Variants in MIA3 observed in about 807,000 individuals in gnomAD.
MIA3 encodes transport and Golgi organization protein 1 homolog.
In MIA3, 90 loss-of-function variants were observed where a neutral mutation model predicts 192.4. That is an observed-to-expected ratio of 0.47 (90% CI 0.39 to 0.56). MIA3 has a LOEUF of 0.56. Among genes scored for constraint, MIA3 ranks in the 20% least tolerant of loss-of-function variants. The pLI is 0.00. For missense variants in MIA3, 2,123 were observed against 2,269.4 expected, an observed-to-expected ratio of 0.94 and a Z score of 1.31; for synonymous variants, 740 against 792.8, an observed-to-expected ratio of 0.93 and a Z score of 1.12.
rs558913808 is a variant in MIA3 at position 222,667,068 on chromosome 1, G to A, written c.*1449G>A. On this transcript the variant is annotated 3_prime_UTR_variant, in exon 28 of 28. Coordinates refer to ENST00000344922, the MANE Select transcript of MIA3 (RefSeq NM_198551.4). Reference sequence around the variant, plus strand: ...CTTGTCACTGTTGTGATATTTAATCGATTAAGAATACCTTGTAAAAAGGAG... The same window carrying A: ...CTTGTCACTGTTGTGATATTTAATCAATTAAGAATACCTTGTAAAAAGGAG... The A allele has an allele frequency of 6.6e-5, 10 of 152,182 alleles. No homozygotes were observed. Among genetic ancestry groups the A allele is most frequent in the South Asian group, 4.2e-4 (2 of 4,818 alleles). The allele number at this position is 152,182 out of a possible 1,614,324, so 9.4% of individuals were successfully genotyped here.
rs573072022 is a variant in MIA3 at position 222,661,986 on chromosome 1, C to G, written c.5114-70C>G. On this transcript the variant is annotated intron_variant, in intron 24 of 27. Transcript: ENST00000344922. ...GTTGCTTTCCAGATAAGACTTGAAC[C>G]CTGATCTGTCCACAATTTATTATTT... 5.5e-5 allele frequency: 70 copies of G among 1,269,610 alleles called. No individual in the cohort carries two copies. The Admixed American group carries it at 1.3e-3, about 24-fold the overall frequency. The allele number at this position is 1,269,610 out of a possible 1,614,324, so 78.6% of individuals were successfully genotyped here. A position where few individuals can be genotyped will look rare whatever the true frequency, so the allele number is the denominator to read the frequency against.
intron 27 of MIA3, 79 bp from the exon 28 acceptor site, chr1:222,665,230 G>C: frequency 1.4e-6 from 1 of 718,204 alleles, no homozygotes; most frequent in Non-Finnish European, 2.3e-6. Context: ...AAGGATGACA[G>C]ACTATATTAA....
chr1:222,643,293 G>A (rs111264747), intron 6 of MIA3, among the ~76,000 whole-genome samples: 2,142 of 152,274 alleles, frequency 0.014, 51 homozygotes, highest in African/African-American at 0.048. Flanking sequence ...TAAAAAGTCT[G>A]TTAACCAGCT....
chr1:222,640,539 G>A lies in MIA3; in HGVS notation c.3478-5015G>A, dbSNP rs185752344. 2.4e-4 allele frequency among the ~76,000 whole-genome samples: 36 copies of A among 152,130 alleles called. No homozygotes were observed. The East Asian group carries it at 6.9e-3, about 29-fold the overall frequency. ...CAAAGGAAAGTCTTTTCAACAAATG[G>A]TACCAAAACTATTAGATATTTATAT... On this transcript the variant is annotated intron_variant, in intron 6 of 27. Coordinates refer to ENST00000344922, the MANE Select transcript of MIA3 (RefSeq NM_198551.4).
At position 222,653,891 on chromosome 1, in the gene MIA3, ATTGCTTGTG is replaced by A. The variant is rs1663569379; in HGVS notation, c.4322-350_4322-342del. ...CTAGATGCCCTCTCTCAAGTTGGAT[ATTGCTTGTG>A]TAGTGGGTGTTTTAAACCACACCTG... On this transcript the variant is annotated intron_variant, in intron 15 of 27. Transcript: ENST00000344922. Among the ~76,000 whole-genome samples the A allele has an allele frequency of 2.0e-5, 3 of 152,320 alleles. No individual in the cohort carries two copies. The South Asian group carries it at 6.2e-4, about 32-fold the overall frequency.
chr1:222,638,914 G>A (rs1662742328), intron 6 of MIA3, among the ~76,000 whole-genome samples: 2 of 152,010 alleles, frequency 1.3e-5, no homozygotes, highest in South Asian at 4.1e-4. Context: ...ATGAAGATAA[G>A]AGCATAATTC....
Position 222,628,293 on chromosome 1 carries a change from CAAA to C in MIA3, c.1074_1076del (p.Asn359del). 6.2e-7 allele frequency: 1 copy of C among 1,613,854 alleles called. No homozygotes were observed. The highest frequency in any genetic ancestry group is 1.3e-5 in the African/African-American group (1 of 75,004). On this transcript the variant is annotated inframe_deletion, in exon 4 of 28. Transcript: ENST00000344922. ...TATCCAACAGATAAAGAGCAGAATT[CAAA>C]TGAAGAGGACAAGGTTCAGCTAACT...
intron 27 of MIA3, chr1:222,664,866 CTA>C: frequency 2.2e-6 from 1 of 459,056 alleles, no homozygotes; most frequent in Non-Finnish European, 4.5e-6. Context: ...AAGTACAAAT[CTA>C]TCTCTCTTTT....
Position 222,618,248 on chromosome 1 carries a change from G to C in MIA3, c.133+5G>C. On this transcript the variant is annotated splice_donor_5th_base_variant and intron_variant, in intron 1 of 27. Coordinates refer to ENST00000344922, the MANE Select transcript of MIA3 (RefSeq NM_198551.4). ...GCGCGGACGACGAATGCAGCAGTGA[G>C]TGCGCTGGAGGGGCGGCTGGCCTCG... 2.1e-6 allele frequency: 3 copies of C among 1,442,118 alleles called. No homozygotes were observed. The highest frequency in any genetic ancestry group is 2.8e-6 in the Non-Finnish European group (3 of 1,086,096). 89.3% of individuals were successfully genotyped at this position (1,442,118 alleles called of 1,614,324 possible).
chr1:222,618,555 G>C (rs1423249190), intron 1 of MIA3, among the ~76,000 whole-genome samples: 1 of 152,172 alleles, frequency 6.6e-6, no homozygotes, highest in Non-Finnish European at 1.5e-5. Context: ...GGTGGTCCCC[G>C]GCTTCCCCAA....
At chr1:222,655,348 T>C (rs1663662720) in intron 18 of MIA3, among the ~76,000 whole-genome samples, 1 of 152,232 alleles carries the variant, frequency 6.6e-6, no homozygotes, top group African/African-American at 2.4e-5. Context: ...GAAATACATA[T>C]CTCAAATTTC....
Position 222,627,869 on chromosome 1 carries a change from G to T in MIA3, c.649G>T (p.Ala217Ser), listed in dbSNP as rs754695461. 2.5e-6 allele frequency: 4 copies of T among 1,613,914 alleles called. No individual in the cohort carries two copies. Among genetic ancestry groups the T allele is most frequent in the Non-Finnish European group, 3.4e-6 (4 of 1,180,014 alleles). The change falls in exon 4 of 28, where the codon GCA becomes TCA. Residue 217 changes from alanine to serine, a missense_variant. By Grantham distance (99) the Ala-to-Ser change is moderately conservative. This residue lies in a region of MIA3 where 1,357 missense variants were observed against 1,396.1 expected (regional missense o/e 0.97). Transcript: ENST00000344922. ...QKHHSHANSQ[A>S]NHAQGEQASF... Reference sequence around the variant, plus strand: ...GCACCACTCCCATGCAAACAGCCAAGCAAATCATGCTCAGGGAGAGCAGGC... The same window carrying T: ...GCACCACTCCCATGCAAACAGCCAATCAAATCATGCTCAGGGAGAGCAGGC...
intron 18 of MIA3, among the ~76,000 whole-genome samples, chr1:222,658,160 C>T (rs1663830992): frequency 6.6e-6 from 1 of 152,174 alleles, no homozygotes; most frequent in Non-Finnish European, 1.5e-5. Context: ...GGATTTGTCT[C>T]GCTGCTTTAT....
At position 222,633,260 on chromosome 1, in the gene MIA3, CA is replaced by C; in HGVS notation, c.3477+12del. 3 of 1,576,532 alleles carry C rather than the reference CA, an allele frequency of 1.9e-6. No homozygotes were observed. The highest frequency in any genetic ancestry group is 2.6e-6 in the Non-Finnish European group (3 of 1,160,394). On this transcript the variant is annotated intron_variant, in intron 6 of 27. Coordinates refer to ENST00000344922, the MANE Select transcript of MIA3 (RefSeq NM_198551.4). ...TATTTAACTAAGTCGGTAAGTTTAA[CA>C]TAGTTTTTTTTTAACTAAAATGTTG...
chr1:222,632,200 G>C lies in MIA3; in HGVS notation c.3205G>C (p.Glu1069Gln), dbSNP rs1321830567. Residue 1069 changes from glutamate to glutamine, a missense_variant, in exon 5 of 28, where the codon GAG becomes CAG. Glu to Gln is a conservative substitution (Grantham distance 29). Coordinates refer to ENST00000344922, the MANE Select transcript of MIA3 (RefSeq NM_198551.4). Reference sequence around the variant, plus strand: ...ACTGCATGAAGATAATTTCTCACGAGAGAAGACAGCAGAACTTAATGTGCA... The same window carrying C: ...ACTGCATGAAGATAATTTCTCACGACAGAAGACAGCAGAACTTAATGTGCA... Reference protein sequence around the residue: ...QPLHEDNFSREKTAELNVQVP... With the variant: ...QPLHEDNFSRQKTAELNVQVP... 1 of 1,614,160 alleles carries C rather than the reference G, an allele frequency of 6.2e-7. No individual in the cohort carries two copies. The highest frequency in any genetic ancestry group is 1.3e-5 in the African/African-American group (1 of 75,036).
intron 6 of MIA3, among the ~76,000 whole-genome samples, chr1:222,642,905 A>G (rs1279875008): frequency 6.6e-6 from 1 of 151,980 alleles, no homozygotes; most frequent in Non-Finnish European, 1.5e-5. Context: ...GCTAGCGGCT[A>G]TCTTCTTATT....
chr1:222,652,031 G>A lies in MIA3; in HGVS notation c.3964G>A (p.Ala1322Thr), dbSNP rs371041438. ...EKLKDVISMN[A>T]SEFSEVQIAL... ...GTTAAAGGATGTTATTTCAATGAAT[G>A]CCTCAGAATTTTCAGAGGTAAAGCT... Residue 1322 changes from alanine (A) to threonine (T), a missense_variant, in exon 12 of 28, where the codon GCC becomes ACC. Coordinates refer to ENST00000344922, the MANE Select transcript of MIA3 (RefSeq NM_198551.4). The A allele has an allele frequency of 6.4e-7, 1 of 1,569,490 alleles. No individual in the cohort carries two copies. Among genetic ancestry groups the A allele is most frequent in the Middle Eastern group, 1.7e-4 (1 of 5,944 alleles).
chr1:222,655,962 C>CTTTTT lies in MIA3; in HGVS notation c.4607+1169_4607+1170insTTTTT, dbSNP rs1283360501. ...ATCACGTATCTCCAGACTTTCTTTC[C>CTTTTT]CTTTTTTTTTTTTTTTTTTTTTTTT... On this transcript the variant is annotated intron_variant, in intron 18 of 27. Coordinates refer to ENST00000344922, the MANE Select transcript of MIA3 (RefSeq NM_198551.4). 1.1e-3 allele frequency among the ~76,000 whole-genome samples: 80 copies of CTTTTT among 71,256 alleles called. 1 individual carries two copies. Among genetic ancestry groups the CTTTTT allele is most frequent in the Non-Finnish European group, 1.3e-3 (52 of 40,126 alleles). 46.7% of individuals were successfully genotyped at this position (71,256 alleles called of 152,430 possible).
chr1:222,663,040 T>A (rs571500192), intron 26 of MIA3: 17 of 152,488 alleles, frequency 1.1e-4, no homozygotes, highest in African/African-American at 3.6e-4. Context: ...TGGTAAGTCC[T>A]CTGATCATAC....
Sources: allele counts gnomAD v4.1 joint callset (sites outside exome capture counted in the v4.1 genomes callset), GRCh38; gene constraint gnomAD v4.1.1; regional missense constraint gnomAD v4.1.1; transcripts MANE v1.5; gene names NCBI Gene and HGNC (gene_info 2026-07-23, HGNC 2026-07-21).